The following TRAPPC12 variants were observed in gnomAD, a reference collection of about 807,000 sequenced individuals.
TRAPPC12 encodes the protein trafficking protein particle complex subunit 12.
A neutral mutation model predicts 69.2 loss-of-function variants in TRAPPC12; 61 were observed. The observed-to-expected ratio is 0.88, with a 90% CI of 0.72 to 1.09. The LOEUF is 1.09. Ranked by LOEUF, TRAPPC12 falls within the 50% of genes least tolerant of loss-of-function variation. The probability of loss-of-function intolerance (pLI) is 0.00; values close to 1 mark genes in which losing one functional copy is unlikely to be tolerated. For synonymous variants in TRAPPC12, 469 were observed against 438.9 expected (o/e 1.07, Z -0.86); for missense variants, 1,101 against 1,016.4 (o/e 1.08, Z -1.13).
chr2:3,401,721 G>C, intron 2 of TRAPPC12, 56 bp from the exon 3 acceptor site: 2 of 1,243,270 alleles, frequency 1.6e-6, no homozygotes, highest in Non-Finnish European at 2.2e-6. Flanking sequence ...GTTCTGGTTA[G>C]CTGAGTTTAG....
chr2:3,404,672 G>T (rs1421912878), intron 3 of TRAPPC12, among the ~76,000 whole-genome samples: 1 of 152,112 alleles, frequency 6.6e-6, no homozygotes, highest in African/African-American at 2.4e-5. Context: ...CAGGAAGCGT[G>T]TCTTGTTCAC....
chr2:3,421,805 TG>T (rs1662804220), intron 3 of TRAPPC12, 75 bp from the exon 4 acceptor site: 1 of 1,320,432 alleles, frequency 7.6e-7, no homozygotes, highest in Non-Finnish European at 1.1e-6. Context: ...CTGTGGCCAG[TG>T]GCTATGCGTT....
intron 2 of TRAPPC12, among the ~76,000 whole-genome samples, chr2:3,397,390 TGG>T (rs1431644642): frequency 6.6e-6 from 1 of 152,210 alleles, no homozygotes; most frequent in African/African-American, 2.4e-5. Context: ...GTGTGAGCTC[TGG>T]GCTTGCCAGC....
intron 6 of TRAPPC12, among the ~76,000 whole-genome samples, chr2:3,447,172 C>T (rs1208917285): frequency 1.3e-5 from 2 of 151,844 alleles, no homozygotes; most frequent in East Asian, 3.9e-4. Flanking sequence ...GCTATTGGCT[C>T]ACTGCAACCT....
intron 3 of TRAPPC12, among the ~76,000 whole-genome samples, chr2:3,406,903 C>A: frequency 6.6e-6 from 1 of 152,180 alleles, no homozygotes; most frequent in Non-Finnish European, 1.5e-5. Flanking sequence ...TGATGTGTTT[C>A]ATACGTTGGA....
intron 6 of TRAPPC12, among the ~76,000 whole-genome samples, chr2:3,452,136 G>T (rs997421619): frequency 1.3e-5 from 2 of 152,154 alleles, no homozygotes; most frequent in African/African-American, 4.8e-5. Flanking sequence ...CTCAGCTGGG[G>T]CTGGAGAACT....
intron 5 of TRAPPC12, among the ~76,000 whole-genome samples, chr2:3,439,077 G>T (rs559824762): frequency 6.6e-6 from 1 of 152,272 alleles, no homozygotes; most frequent in South Asian, 2.1e-4. Context: ...ATCAATGAGA[G>T]TTCCTATTGA....
chr2:3,447,620 C>T (rs1351256728), intron 6 of TRAPPC12, among the ~76,000 whole-genome samples: 2 of 152,116 alleles, frequency 1.3e-5, no homozygotes, highest in African/African-American at 4.8e-5. Flanking sequence ...CCACCAGGCC[C>T]CACCTCCAAC....
At chr2:3,400,392 A>G (rs1410812286) in intron 2 of TRAPPC12, among the ~76,000 whole-genome samples, 4 of 151,104 alleles carry the variant, frequency 2.6e-5, no homozygotes, top group Non-Finnish European at 4.4e-5. Context: ...TCCTCCTCCC[A>G]GGATACTCAC....
chr2:3,473,542 C>T, intron 9 of TRAPPC12, among the ~76,000 whole-genome samples: 1 of 152,218 alleles, frequency 6.6e-6, no homozygotes, highest in East Asian at 1.9e-4. Flanking sequence ...TGCAGAGGCG[C>T]AAATGCAGCT....
intron 9 of TRAPPC12, among the ~76,000 whole-genome samples, chr2:3,467,242 G>A (rs899922257): frequency 1.3e-5 from 2 of 152,162 alleles, no homozygotes; most frequent in African/African-American, 4.8e-5. Context: ...TGATAGCGGC[G>A]CTGTGGGCAA....
chr2:3,409,750 T>TA (rs71396989), intron 3 of TRAPPC12, among the ~76,000 whole-genome samples: 5,959 of 54,536 alleles, frequency 0.11, 382 homozygotes, highest in East Asian at 0.2. Flanking sequence ...ACTTTGTCTT[T>TA]AAAAAAAAAA....
intron 3 of TRAPPC12, among the ~76,000 whole-genome samples, chr2:3,413,678 A>G (rs1662184689): frequency 1.3e-5 from 2 of 152,222 alleles, no homozygotes; most frequent in Admixed American, 6.5e-5. Context: ...ATACTGTGCC[A>G]TTGTCCACAG....
rs1252091251 is a variant in TRAPPC12, at chr2:3,477,934, C to G, written c.1877+139C>G. The G allele has an allele frequency of 4.4e-5, 24 of 547,740 alleles. No individual in the cohort carries two copies. In the East Asian group the frequency reaches 5.9e-4, roughly 13 times the overall value. 33.9% of individuals were successfully genotyped at this position (547,740 alleles called of 1,614,324 possible). Reference sequence around the variant, plus strand: ...TGCCCTGTGTCTCTCAGAGCGGAGACCCAAGGAGTATACAGGTGTTTTCTT... The same window carrying G: ...TGCCCTGTGTCTCTCAGAGCGGAGAGCCAAGGAGTATACAGGTGTTTTCTT... On this transcript the variant is annotated intron_variant, in intron 10 of 11. Transcript: ENST00000324266.
At chr2:3,456,810 C>T (rs892337684) in intron 6 of TRAPPC12, 4 of 256,704 alleles carry the variant, frequency 1.6e-5, no homozygotes, top group African/African-American at 9.5e-5. Context: ...AACTCCTGGG[C>T]TCAAGTGACC....
intron 6 of TRAPPC12, among the ~76,000 whole-genome samples, chr2:3,451,444 T>A (rs1047123342): frequency 5.9e-5 from 9 of 152,250 alleles, no homozygotes; most frequent in African/African-American, 2.2e-4. Flanking sequence ...AGCAGCGTCT[T>A]CTCATGATTA....
chr2:3,479,151 G>A (rs927404135), intron 11 of TRAPPC12, 68 bp from the exon 12 acceptor site: 37 of 1,572,106 alleles, frequency 2.4e-5, no homozygotes, highest in Non-Finnish European at 3.0e-5. Flanking sequence ...GGCCCAGCAC[G>A]CAGCCTGGAA....
intron 4 of TRAPPC12, among the ~76,000 whole-genome samples, chr2:3,423,383 A>G (rs925168089): frequency 2.0e-5 from 3 of 151,282 alleles, no homozygotes; most frequent in East Asian, 1.9e-4. Flanking sequence ...TGTCTTAGCA[A>G]TTTTTAGTAT....
At chr2:3,408,084 A>G (rs2103483546) in intron 3 of TRAPPC12, among the ~76,000 whole-genome samples, 1 of 152,200 alleles carries the variant, frequency 6.6e-6, no homozygotes, top group Non-Finnish European at 1.5e-5. Context: ...CACCTCTTGG[A>G]CAAGTCTGAA....
Sources: allele counts gnomAD v4.1 joint callset (sites outside exome capture counted in the v4.1 genomes callset), GRCh38; gene constraint gnomAD v4.1.1; transcripts MANE v1.5; gene names NCBI Gene and HGNC (gene_info 2026-07-23, HGNC 2026-07-21).